UBXN4: variants seen among roughly 807,000 people sequenced by gnomAD.
UBXN4 encodes UBX domain protein 4, also known as UBX domain-containing protein 4.
In UBXN4, 35 loss-of-function variants were observed where a neutral mutation model predicts 66.2. The observed-to-expected ratio is 0.53, with a 90% CI of 0.40 to 0.70. The LOEUF is 0.70. Ranked by LOEUF, UBXN4 falls within the 30% of genes least tolerant of loss-of-function variation. The probability of loss-of-function intolerance (pLI) is 0.00; values close to 1 mark genes in which losing one functional copy is unlikely to be tolerated. For synonymous variants in UBXN4, 203 were observed against 204.5 expected (o/e 0.99, Z 0.06); for missense variants, 533 against 599.8 (o/e 0.89, Z 1.16).
intron 9 of UBXN4, among the ~76,000 whole-genome samples, chr2:135,772,952 G>A (rs2077392415): frequency 6.7e-6 from 1 of 150,214 alleles, no homozygotes; most frequent in African/African-American, 2.4e-5. Context: ...CAGGAGAATG[G>A]CGTGAACCCG....
intron 6 of UBXN4, among the ~76,000 whole-genome samples, chr2:135,766,165 A>G (rs1664845276): frequency 6.6e-6 from 1 of 152,152 alleles, no homozygotes. Context: ...AAAAAAAAAA[A>G]AAGTCGAAGC....
rs1215798086 is a variant in UBXN4 at position 135,780,487 on chromosome 2, C to T, written c.1388+102C>T. 11 of 1,044,594 alleles carry T rather than the reference C, an allele frequency of 1.1e-5. 1 individual carries two copies. Among genetic ancestry groups the T allele is most frequent in the South Asian group, 2.9e-5 (2 of 68,982 alleles). The allele number at this position is 1,044,594 out of a possible 1,614,324, so 64.7% of individuals were successfully genotyped here. A position where few individuals can be genotyped will look rare whatever the true frequency, so the allele number is the denominator to read the frequency against. On this transcript the variant is annotated intron_variant, in intron 12 of 12. Transcript: ENST00000272638. Reference sequence around the variant, plus strand: ...CTTTGCCTTTCTGTATATGTCCTCTCCAGTTCCCACGGTGGAGGAGAAAAA... The same window carrying T: ...CTTTGCCTTTCTGTATATGTCCTCTTCAGTTCCCACGGTGGAGGAGAAAAA...
chr2:135,775,527 G>A (rs962140742), intron 9 of UBXN4, among the ~76,000 whole-genome samples: 1 of 152,102 alleles, frequency 6.6e-6, no homozygotes, highest in African/African-American at 2.4e-5. Flanking sequence ...CATGAAAAAA[G>A]CAAGTTACAA....
At chr2:135,745,534 GTTTATA>G (rs985869595) in intron 1 of UBXN4, among the ~76,000 whole-genome samples, 1 of 152,038 alleles carries the variant, frequency 6.6e-6, no homozygotes, top group African/African-American at 2.4e-5. Context: ...GTCTCATTTG[GTTTATA>G]TTTAGTATAC....
intron 6 of UBXN4, among the ~76,000 whole-genome samples, chr2:135,766,251 A>G (rs2077347021): frequency 6.6e-6 from 1 of 152,220 alleles, no homozygotes; most frequent in African/African-American, 2.4e-5. Context: ...AAATTAAAAC[A>G]AACTTGCGTT....
intron 5 of UBXN4, among the ~76,000 whole-genome samples, chr2:135,758,822 G>A (rs1017769641): frequency 1.3e-5 from 2 of 151,734 alleles, no homozygotes; most frequent in African/African-American, 4.8e-5. Flanking sequence ...GCAGTGGCGT[G>A]ATCTCGGCTC....
intron 10 of UBXN4, among the ~76,000 whole-genome samples, chr2:135,777,723 A>C (rs2077425031): frequency 6.6e-6 from 1 of 151,360 alleles, no homozygotes; most frequent in African/African-American, 2.4e-5. Flanking sequence ...TCTATTCTAA[A>C]AATACAAAAA....
chr2:135,772,620 C>T, intron 9 of UBXN4, 73 bp downstream of exon 9: 3 of 1,582,658 alleles, frequency 1.9e-6, no homozygotes, highest in Non-Finnish European at 2.6e-6. Flanking sequence ...TGGTTTTTAA[C>T]ACTGATGTAT....
rs959215269 is a variant in UBXN4, at chr2:135,783,719, A to T, written c.*832A>T. On this transcript the variant is annotated 3_prime_UTR_variant, in exon 13 of 13. Coordinates refer to ENST00000272638, the MANE Select transcript of UBXN4 (RefSeq NM_014607.4). Reference sequence around the variant, plus strand: ...AGTCTGCAACCTAGTTTTCCCTCTCACCTTTAACTGACGTTTTGTCCTCAA... The same window carrying T: ...AGTCTGCAACCTAGTTTTCCCTCTCTCCTTTAACTGACGTTTTGTCCTCAA... The T allele has an allele frequency of 2.0e-5, 3 of 152,128 alleles. No homozygotes were observed. Among genetic ancestry groups the T allele is most frequent in the Admixed American group, 6.5e-5 (1 of 15,268 alleles). The allele number at this position is 152,128 out of a possible 1,614,324, so 9.4% of individuals were successfully genotyped here.
chr2:135,753,154 G>C (rs1402067951), intron 2 of UBXN4, among the ~76,000 whole-genome samples: 1 of 150,840 alleles, frequency 6.6e-6, no homozygotes, highest in Non-Finnish European at 1.5e-5. Flanking sequence ...CTCCCAAGTA[G>C]CTGGGATTAC....
At chr2:135,774,933 T>G (rs1225053467) in intron 9 of UBXN4, among the ~76,000 whole-genome samples, 2 of 151,852 alleles carry the variant, frequency 1.3e-5, no homozygotes, top group Admixed American at 6.6e-5. Context: ...GTGTCTAGAA[T>G]ATAAAAAGAA....
chr2:135,751,813 T>G (rs2077243905), intron 2 of UBXN4, among the ~76,000 whole-genome samples: 1 of 151,992 alleles, frequency 6.6e-6, no homozygotes, highest in Non-Finnish European at 1.5e-5. Context: ...ATAATAATGC[T>G]TTATATTTGA....
At chr2:135,750,761 A>G (rs2077235828) in intron 2 of UBXN4, among the ~76,000 whole-genome samples, 1 of 148,530 alleles carries the variant, frequency 6.7e-6, no homozygotes, top group Admixed American at 6.7e-5. Context: ...AGAAGAATAT[A>G]GGGATTTATA....
intron 4 of UBXN4, 100 bp from the exon 5 acceptor site, chr2:135,755,417 C>A: frequency 1.1e-6 from 1 of 901,018 alleles, no homozygotes; most frequent in Non-Finnish European, 1.5e-6. Flanking sequence ...TCGTATTTCT[C>A]TTTTTATAGA....
At chr2:135,777,390 G>A (rs1374435852) in intron 10 of UBXN4, among the ~76,000 whole-genome samples, 2 of 152,066 alleles carry the variant, frequency 1.3e-5, no homozygotes, top group African/African-American at 4.8e-5. Flanking sequence ...TCTTGCACTC[G>A]TGAACTAGGC....
intron 10 of UBXN4, among the ~76,000 whole-genome samples, chr2:135,778,064 C>T (rs1257338219): frequency 6.6e-6 from 1 of 151,452 alleles, no homozygotes; most frequent in Non-Finnish European, 1.5e-5. Flanking sequence ...GTAGTCCCAG[C>T]TACTCGAGAG....
chr2:135,774,235 G>T (rs1312638643), intron 9 of UBXN4, among the ~76,000 whole-genome samples: 2 of 152,104 alleles, frequency 1.3e-5, no homozygotes, highest in East Asian at 1.9e-4. Context: ...TTTGAAAAGG[G>T]TACCAAGACT....
rs796944963 is a variant in UBXN4, at chr2:135,778,137, A to C, written c.1054-811A>C. On this transcript the variant is annotated intron_variant, in intron 10 of 12. Transcript: ENST00000272638. ...GCTTGCAGTGAGCCAAGATCGCGCCACTGCACTCCAGCCTGGGCGACAGAG... is the reference window on the plus strand; with the variant it reads ...GCTTGCAGTGAGCCAAGATCGCGCCCCTGCACTCCAGCCTGGGCGACAGAG... Among the ~76,000 whole-genome samples the C allele has an allele frequency of 1.1e-3, 166 of 149,412 alleles. 1 individual carries two copies. Among genetic ancestry groups the C allele is most frequent in the African/African-American group, 2.3e-3 (92 of 40,554 alleles).
chr2:135,755,778 G>T, intron 5 of UBXN4, 87 bp downstream of exon 5: 4 of 849,144 alleles, frequency 4.7e-6, no homozygotes, highest in Non-Finnish European at 6.0e-6. Flanking sequence ...AAAATATATT[G>T]TATGTATTTT....
Sources: allele counts gnomAD v4.1 joint callset (sites outside exome capture counted in the v4.1 genomes callset), GRCh38; gene constraint gnomAD v4.1.1; transcripts MANE v1.5; gene names NCBI Gene and HGNC (gene_info 2026-07-23, HGNC 2026-07-21).